Variants in PRPSAP2 observed in about 807,000 individuals in gnomAD.
PRPSAP2 encodes phosphoribosyl pyrophosphate synthase-associated protein 2.
Under a neutral mutation model 40.6 loss-of-function variants are expected in PRPSAP2, and 24 were observed. The ratio of observed to expected loss-of-function variants is 0.59; its 90% CI spans 0.43 to 0.83. PRPSAP2 has a LOEUF of 0.83. Among genes scored for constraint, PRPSAP2 ranks in the 40% least tolerant of loss-of-function variants. PRPSAP2 has a pLI of 0.00. For missense variants in PRPSAP2, 292 were observed against 465.6 expected (o/e 0.63, Z 3.43); for synonymous variants, 149 against 164.7 (o/e 0.90, Z 0.73).
intron 1 of PRPSAP2, among the ~76,000 whole-genome samples, chr17:18,862,178 G>C (rs1309885581): frequency 1.3e-5 from 2 of 152,188 alleles, no homozygotes; most frequent in Non-Finnish European, 2.9e-5. Context: ...ATGAGCCACG[G>C]CGCCTGGCCA....
intron 10 of PRPSAP2, among the ~76,000 whole-genome samples, chr17:18,926,310 A>T (rs1196341076): frequency 3.3e-5 from 5 of 150,766 alleles, no homozygotes; most frequent in African/African-American, 1.2e-4. Flanking sequence ...TCTGTCACCC[A>T]GGCTGGAGTG....
rs1597715220 is a variant in PRPSAP2, at chr17:18,911,667, G to A, written c.733+416G>A. Among the ~76,000 whole-genome samples, 2 of 152,008 alleles carry A rather than the reference G, an allele frequency of 1.3e-5. No homozygotes were observed. The highest frequency in any genetic ancestry group is 2.9e-5 in the Non-Finnish European group (2 of 67,940). Reference sequence around the variant, plus strand: ...TGTAGGGCTTGGTAAATTATACTGTGTCAGTACAGCTAATTATGCAGCCCT... The same window carrying A: ...TGTAGGGCTTGGTAAATTATACTGTATCAGTACAGCTAATTATGCAGCCCT... On this transcript the variant is annotated intron_variant, in intron 9 of 11. Coordinates refer to ENST00000268835, the MANE Select transcript of PRPSAP2 (RefSeq NM_002767.4). This position sits in a 1 kb window ranked among gnomAD's most constrained non-coding sequence, Gnocchi z 4.5.
At chr17:18,877,926 A>C in intron 6 of PRPSAP2, 56 bp downstream of exon 6, 1 of 1,498,222 alleles carries the variant, frequency 6.7e-7, no homozygotes, top group African/African-American at 1.4e-5. Flanking sequence ...TTATTTATTT[A>C]TTCTCTCTTT....
chr17:18,873,781 A>C lies in PRPSAP2; in HGVS notation c.239+1132A>C, dbSNP rs559886838. Among the ~76,000 whole-genome samples, 20 of 152,184 alleles carry C rather than the reference A, an allele frequency of 1.3e-4. No individual in the cohort carries two copies. In the South Asian group the frequency reaches 3.7e-3, roughly 28 times the overall value. ...TCCTGTCTGGTGTGACCTTTGACAC[A>C]CCTGTGTTCTGGAAATTGTTTGGTC... On this transcript the variant is annotated intron_variant, in intron 5 of 11. Transcript: ENST00000268835.
chr17:18,862,852 G>A (rs1402276414), intron 1 of PRPSAP2, among the ~76,000 whole-genome samples: 1 of 149,734 alleles, frequency 6.7e-6, no homozygotes, highest in African/African-American at 2.5e-5. Context: ...ACAGAGTCTC[G>A]CTCTGTCTCC....
At chr17:18,926,802 GTT>G (rs77568679) in intron 10 of PRPSAP2, among the ~76,000 whole-genome samples, 2 of 149,634 alleles carry the variant, frequency 1.3e-5, no homozygotes, top group Non-Finnish European at 3.0e-5. Context: ...GTGTGTGTGT[GTT>G]TGTGTTTGTG....
chr17:18,924,012 C>T (rs777420130), intron 10 of PRPSAP2, 28 bp downstream of exon 10: 1 of 1,562,712 alleles, frequency 6.4e-7, no homozygotes, highest in Non-Finnish European at 8.8e-7. Context: ...ATTATTAATT[C>T]TAGTATTTGC....
chr17:18,879,034 T>A (rs1294382570), intron 6 of PRPSAP2, among the ~76,000 whole-genome samples: 1 of 151,768 alleles, frequency 6.6e-6, no homozygotes, highest in Non-Finnish European at 1.5e-5. Flanking sequence ...CACACTCAGC[T>A]AATTTTTGTA....
chr17:18,875,321 T>C (rs1476320376), intron 5 of PRPSAP2, among the ~76,000 whole-genome samples: 1 of 152,072 alleles, frequency 6.6e-6, no homozygotes, highest in Non-Finnish European at 1.5e-5. Context: ...CCTAGCACTT[T>C]GGGAGGTCGA....
intron 8 of PRPSAP2, among the ~76,000 whole-genome samples, chr17:18,894,013 T>G (rs1292285275): frequency 6.6e-6 from 1 of 151,970 alleles, no homozygotes; most frequent in African/African-American, 2.4e-5. Flanking sequence ...GTGCACCACT[T>G]CACCTGGCTA....
intron 10 of PRPSAP2, chr17:18,928,530 G>C: frequency 2.4e-6 from 1 of 414,302 alleles, no homozygotes; most frequent in South Asian, 2.1e-5. Context: ...ATGTTGGCCA[G>C]TTATGGTGCA....
intron 9 of PRPSAP2, among the ~76,000 whole-genome samples, chr17:18,914,249 C>CTTTTTTTTTTTTTTTTTTTTTTTTTTTTT (rs60892883): frequency 2.1e-5 from 1 of 48,088 alleles, no homozygotes; most frequent in Non-Finnish European, 3.4e-5. Flanking sequence ...CATGTTTTTG[C>CTTTTTTTTTTTTTTTTTTTTTTTTTTTTT]TTTTTTTTTT....
intron 9 of PRPSAP2, among the ~76,000 whole-genome samples, chr17:18,916,787 C>G (rs1354640526): frequency 2.6e-5 from 4 of 152,218 alleles, no homozygotes; most frequent in African/African-American, 9.6e-5. Flanking sequence ...AGGGCTCACT[C>G]TGCTCCTGAG....
Position 18,903,199 on chromosome 17 carries a change from G to T in PRPSAP2, c.585-7904G>T, listed in dbSNP as rs1269826378. On this transcript the variant is annotated intron_variant, in intron 8 of 11. Coordinates refer to ENST00000268835, the MANE Select transcript of PRPSAP2 (RefSeq NM_002767.4). ...TCCCAGCACTTTGGGAGGCCGAGAT[G>T]GGTGGATCTCCTGAGGTCAGGAGAA... Among the ~76,000 whole-genome samples the T allele has an allele frequency of 4.6e-3, 676 of 145,858 alleles. 17 individuals carry two copies. The highest frequency in any genetic ancestry group is 0.017 in the African/African-American group (650 of 37,880).
At chr17:18,898,080 C>A (rs2040035008) in intron 8 of PRPSAP2, among the ~76,000 whole-genome samples, 1 of 138,790 alleles carries the variant, frequency 7.2e-6, no homozygotes, top group Non-Finnish European at 1.5e-5. Context: ...CTCTTGGTAA[C>A]CTCCGCCTCC....
intron 1 of PRPSAP2, among the ~76,000 whole-genome samples, chr17:18,864,184 A>G (rs1448391079): frequency 2.0e-5 from 3 of 151,932 alleles, no homozygotes; most frequent in Admixed American, 6.6e-5. Flanking sequence ...TCACATGTAT[A>G]AATGCATAGA....
intron 10 of PRPSAP2, chr17:18,928,576 T>A: frequency 1.9e-6 from 1 of 513,384 alleles, no homozygotes; most frequent in Non-Finnish European, 3.6e-6. Flanking sequence ...TGGAGTGTGG[T>A]GGGAGATAGC....
At chr17:18,884,303 T>A (rs1305691489) in intron 7 of PRPSAP2, among the ~76,000 whole-genome samples, 1 of 150,596 alleles carries the variant, frequency 6.6e-6, no homozygotes, top group Non-Finnish European at 1.5e-5. Context: ...TCTAACAAAT[T>A]AAAAAAATAA....
chr17:18,887,961 G>A lies in PRPSAP2; in HGVS notation c.529-1861G>A, dbSNP rs944681738. ...TCAGCAGATAAACAAGTGAACAAAG[G>A]TCTCTGGTTTTCCTAGGCAGAGGAC... On this transcript the variant is annotated intron_variant, in intron 7 of 11. Coordinates refer to ENST00000268835, the MANE Select transcript of PRPSAP2 (RefSeq NM_002767.4). Among the ~76,000 whole-genome samples, 6 of 57,166 alleles carry A rather than the reference G, an allele frequency of 1.0e-4. 2 individuals are homozygous for A. In the South Asian group the frequency reaches 1.7e-3, roughly 17 times the overall value. The allele number at this position is 57,166 out of a possible 152,430, so 37.5% of individuals were successfully genotyped here. A position where few individuals can be genotyped will look rare whatever the true frequency, so the allele number is the denominator to read the frequency against.
Sources: gnomAD v4.1 joint callset for allele counts (sites outside exome capture counted in the v4.1 genomes callset) on GRCh38, gnomAD v4.1.1 for gene constraint, Gnocchi (gnomAD v3.1) non-coding constraint, MANE v1.5 for transcripts, NCBI Gene and HGNC (gene_info 2026-07-23, HGNC 2026-07-21) for gene names.